The following ANXA4 variants were observed in gnomAD, a reference collection of about 807,000 sequenced individuals.
The protein encoded by ANXA4 is 35-beta calcimedin.
ANXA4 carries 39 observed loss-of-function variants against 49.8 expected under a neutral mutation model. The observed-to-expected ratio is 0.78, with a 90% CI of 0.61 to 1.02. ANXA4 has a LOEUF of 1.02. ANXA4 is among the 50% of genes least tolerant of loss of function. The probability of loss-of-function intolerance (pLI) is 0.00; values close to 1 mark genes in which losing one functional copy is unlikely to be tolerated. For missense variants in ANXA4, 360 were observed against 410.1 expected, an observed-to-expected ratio of 0.88 and a Z score of 1.05; for synonymous variants, 134 against 152.5, an observed-to-expected ratio of 0.88 and a Z score of 0.89.
At chr2:69,665,878 C>G (rs762229941) in intron 2 of ANXA4, among the ~76,000 whole-genome samples, 1 of 152,096 alleles carries the variant, frequency 6.6e-6, no homozygotes, top group African/African-American at 2.4e-5. Flanking sequence ...ACTCTTACAA[C>G]TCAGCAATAA....
intron 2 of ANXA4, 77 bp downstream of exon 2, chr2:69,781,651 C>T (rs374981608): frequency 2.8e-5 from 43 of 1,534,492 alleles, no homozygotes; most frequent in Middle Eastern, 1.7e-4. Flanking sequence ...CAACTGTTAG[C>T]TTAAACAAAG....
chr2:69,675,895 T>C (rs1677394541), intron 2 of ANXA4, among the ~76,000 whole-genome samples: 1 of 151,696 alleles, frequency 6.6e-6, no homozygotes, highest in South Asian at 2.1e-4. Context: ...TGGTCTCAGA[T>C]TCTCGGGAGG....
chr2:69,696,195 A>G (rs1255379356), intron 2 of ANXA4, among the ~76,000 whole-genome samples: 2 of 152,178 alleles, frequency 1.3e-5, no homozygotes, highest in African/African-American at 4.8e-5. Context: ...CCCTTAGTTG[A>G]TGCTTTATCA....
At chr2:69,824,463 A>G (rs1049158072) in intron 12 of ANXA4, among the ~76,000 whole-genome samples, 3 of 148,896 alleles carry the variant, frequency 2.0e-5, no homozygotes, top group East Asian at 2.0e-4. Flanking sequence ...GGATTGCACC[A>G]TTGCACTCTA....
chr2:69,652,152 A>G (rs1676276401), intron 1 of ANXA4, among the ~76,000 whole-genome samples: 1 of 152,124 alleles, frequency 6.6e-6, no homozygotes, highest in Admixed American at 6.6e-5. Flanking sequence ...AGCCGGGACT[A>G]CAGGCCTATG....
intron 2 of ANXA4, among the ~76,000 whole-genome samples, chr2:69,710,799 A>C (rs886586622): frequency 6.6e-6 from 1 of 152,230 alleles, no homozygotes; most frequent in Admixed American, 6.5e-5. Flanking sequence ...AACTGGCAAT[A>C]CAAAGTGTTA....
At chr2:69,650,088 A>C (rs1277720585) in intron 1 of ANXA4, among the ~76,000 whole-genome samples, 1 of 150,678 alleles carries the variant, frequency 6.6e-6, no homozygotes, top group African/African-American at 2.5e-5. Flanking sequence ...AGCACCCGCC[A>C]TCATGCCCGG....
intron 3 of ANXA4, among the ~76,000 whole-genome samples, chr2:69,801,913 C>T (rs1280697522): frequency 6.6e-6 from 1 of 152,148 alleles, no homozygotes; most frequent in Non-Finnish European, 1.5e-5. Flanking sequence ...ATGACAGAAT[C>T]ATGATGCTAA....
chr2:69,762,663 T>C lies in ANXA4; in HGVS notation c.-46-18857T>C, dbSNP rs17036977. ...CTGCTAGGGTGCTTCTCACTGATCATGCCTCCTTGAATCTACTCTGCCACC... is the reference window on the plus strand; with the variant it reads ...CTGCTAGGGTGCTTCTCACTGATCACGCCTCCTTGAATCTACTCTGCCACC... On this transcript the variant is annotated intron_variant, in intron 1 of 12. Coordinates refer to ENST00000394295, the MANE Select transcript of ANXA4 (RefSeq NM_001153.5). 1.3e-3 allele frequency among the ~76,000 whole-genome samples: 197 copies of C among 152,300 alleles called. 6 individuals are homozygous for C. The East Asian group carries it at 0.036, about 28-fold the overall frequency.
In ANXA4 at chr2:69,686,463, C is replaced by T. The variant is rs190468483; in HGVS notation, n.766+33181C>T. The stretch of plus-strand genomic sequence containing the variant: ...GGAATTACAGGCGTGAGCCACCGCA[C>T]CTGGCCTGAGACAGGGTCTTGCTCT... On this transcript the variant is annotated intron_variant and non_coding_transcript_variant, in intron 2 of 3. Coordinates refer to the ANXA4 transcript ENST00000418066. Among the ~76,000 whole-genome samples, 302 of 151,378 alleles carry T rather than the reference C, an allele frequency of 2.0e-3. 2 individuals are homozygous for T. Among genetic ancestry groups the T allele is most frequent in the Middle Eastern group, 0.018 (5 of 284 alleles).
chr2:69,792,094 T>C (rs1006992795), intron 3 of ANXA4, among the ~76,000 whole-genome samples: 13 of 152,182 alleles, frequency 8.5e-5, no homozygotes, highest in Non-Finnish European at 1.5e-4. Context: ...TCAGGGGTCC[T>C]CTGCAGCACC....
chr2:69,766,078 G>T (rs183140647), intron 1 of ANXA4, among the ~76,000 whole-genome samples: 109 of 152,316 alleles, frequency 7.2e-4, no homozygotes, highest in Admixed American at 6.1e-3. Context: ...TAATGCTTTT[G>T]TCAGAGGACA....
chr2:69,678,300 T>A (rs763429071), intron 2 of ANXA4, among the ~76,000 whole-genome samples: 1 of 151,976 alleles, frequency 6.6e-6, no homozygotes, highest in African/African-American at 2.4e-5. Context: ...ATGTAAAGAT[T>A]ACAAATATTT....
Position 69,825,994 on chromosome 2 carries a change from G to T in ANXA4, c.*479G>T, listed in dbSNP as rs1424335893. ...CAGTTTTCTATATTTCATAGTCAAA[G>T]CCTTGAAAGCATCTACAAATCTCTT... On this transcript the variant is annotated 3_prime_UTR_variant, in exon 13 of 13. Transcript: ENST00000394295. The T allele has an allele frequency of 6.6e-6, 1 of 152,364 alleles. No homozygotes were observed. Among genetic ancestry groups the T allele is most frequent in the East Asian group, 1.9e-4 (1 of 5,208 alleles). The allele number at this position is 152,364 out of a possible 1,614,324, so 9.4% of individuals were successfully genotyped here. A position where few individuals can be genotyped will look rare whatever the true frequency, so the allele number is the denominator to read the frequency against.
intron 2 of ANXA4, among the ~76,000 whole-genome samples, chr2:69,679,331 A>G (rs940924477): frequency 6.6e-6 from 1 of 152,010 alleles, no homozygotes; most frequent in African/African-American, 2.4e-5. Context: ...AGAAATGTCT[A>G]TTCATCTCCT....
At chr2:69,804,270 GTCA>G (rs1673341645) in intron 3 of ANXA4, among the ~76,000 whole-genome samples, 1 of 151,922 alleles carries the variant, frequency 6.6e-6, no homozygotes, top group Non-Finnish European at 1.5e-5. Flanking sequence ...GGAAATCACT[GTCA>G]TCATTCACAT....
chr2:69,786,090 G>T (rs1419461086), intron 2 of ANXA4, among the ~76,000 whole-genome samples: 1 of 152,102 alleles, frequency 6.6e-6, no homozygotes, highest in Admixed American at 6.5e-5. Flanking sequence ...ATATTTAATG[G>T]ACATCCCAAA....
chr2:69,689,172 G>A (rs187670787), intron 2 of ANXA4, among the ~76,000 whole-genome samples: 409 of 152,030 alleles, frequency 2.7e-3, no homozygotes, highest in Admixed American at 7.3e-3. Flanking sequence ...GTCCACCGCA[G>A]CCTTGAACTG....
chr2:69,732,239 A>G (rs527472694), intron 3 of ANXA4, among the ~76,000 whole-genome samples: 9 of 151,362 alleles, frequency 5.9e-5, no homozygotes, highest in Admixed American at 1.3e-4. Context: ...GGCCTCCCAA[A>G]GTGCTGGGAT....
Sources: allele counts gnomAD v4.1 joint callset (sites outside exome capture counted in the v4.1 genomes callset), GRCh38; gene constraint gnomAD v4.1.1; transcripts MANE v1.5; gene names NCBI Gene and HGNC (gene_info 2026-07-23, HGNC 2026-07-21).